Variants in ASIC2 observed in about 807,000 individuals in gnomAD.
ASIC2 encodes acid-sensing ion channel 2.
In ASIC2, 25 loss-of-function variants were observed where a neutral mutation model predicts 57.3. That is an observed-to-expected ratio of 0.44 (90% confidence interval 0.32 to 0.61). The LOEUF is 0.61. ASIC2 is among the 20% of genes least tolerant of loss of function. The pLI is 0.06. For missense variants in ASIC2, 641 were observed against 738.1 expected, an observed-to-expected ratio of 0.87 and a Z score of 1.52; for synonymous variants, 319 against 307.5, an observed-to-expected ratio of 1.04 and a Z score of -0.39.
At chr17:33,444,370 TG>T (rs369827647) in intron 1 of ASIC2, among the ~76,000 whole-genome samples, 11 of 152,234 alleles carry the variant, frequency 7.2e-5, no homozygotes, top group African/African-American at 2.6e-4. Context: ...AGGGAATGTG[TG>T]GTTGGTGCAA....
rs184279619 is a variant in ASIC2, at chr17:34,125,575, A to G, written c.555+30403T>C. Reference sequence around the variant, plus strand: ...AACGATACCCAAATGACAGTGCCAGACTGTCCCATGGGATCTCTGTGGCTA... The same window carrying G: ...AACGATACCCAAATGACAGTGCCAGGCTGTCCCATGGGATCTCTGTGGCTA... On this transcript the variant is annotated intron_variant, in intron 1 of 9. Coordinates refer to the ASIC2 transcript ENST00000359872. 2.1e-4 allele frequency among the ~76,000 whole-genome samples: 32 copies of G among 152,258 alleles called. 1 individual carries two copies. The East Asian group carries it at 6.0e-3, about 29-fold the overall frequency.
intron 1 of ASIC2, among the ~76,000 whole-genome samples, chr17:33,575,248 T>C (rs1916581886): frequency 6.6e-6 from 1 of 152,210 alleles, no homozygotes; most frequent in African/African-American, 2.4e-5. Context: ...AAGGTAGAGA[T>C]GCAAACAGCA....
At chr17:34,064,182 T>C (rs943178555) in intron 1 of ASIC2, among the ~76,000 whole-genome samples, 2 of 152,130 alleles carry the variant, frequency 1.3e-5, no homozygotes, top group African/African-American at 4.8e-5. Context: ...AATAGGCACA[T>C]AGACCAATGG....
At chr17:33,249,012 G>C (rs1029133844) in intron 1 of ASIC2, among the ~76,000 whole-genome samples, 6 of 152,204 alleles carry the variant, frequency 3.9e-5, no homozygotes, top group Admixed American at 3.3e-4. Context: ...AGTCATCCAG[G>C]TAATGCATAG....
chr17:33,550,891 G>T (rs1426189459), intron 1 of ASIC2, among the ~76,000 whole-genome samples: 1 of 152,152 alleles, frequency 6.6e-6, no homozygotes, highest in African/African-American at 2.4e-5. Context: ...TTTTAGGTAG[G>T]AAACAGCTTT....
intron 1 of ASIC2, among the ~76,000 whole-genome samples, chr17:33,392,473 C>A (rs1252335525): frequency 6.6e-6 from 1 of 152,024 alleles, no homozygotes; most frequent in Admixed American, 6.6e-5. Context: ...CCATGTTGCC[C>A]TGACTGGTCA....
chr17:33,949,694 G>A (rs1904497401), intron 1 of ASIC2, among the ~76,000 whole-genome samples: 1 of 152,112 alleles, frequency 6.6e-6, no homozygotes, highest in Admixed American at 6.5e-5. Context: ...CAAAGTTACT[G>A]GCATATATGA....
rs1904736879 is a variant in ASIC2 at position 34,156,687 on chromosome 17, C to G, written c.-155G>C. On this transcript the variant is annotated 5_prime_UTR_variant, in exon 1 of 10. Coordinates refer to the ASIC2 transcript ENST00000359872. This position sits in a 1 kb window ranked among gnomAD's most constrained non-coding sequence, Gnocchi z 4.4. ...CTGTGAGTTTATCCTGAGAGCCCAG[C>G]CGCACGCTGACAGGGGTGAGTGTTT... 4 of 737,582 alleles carry G rather than the reference C, an allele frequency of 5.4e-6. No individual in the cohort carries two copies. Among genetic ancestry groups the G allele is most frequent in the Non-Finnish European group, 6.5e-6 (3 of 463,650 alleles). 45.7% of individuals were successfully genotyped at this position (737,582 alleles called of 1,614,324 possible).
chr17:33,319,048 T>C (rs1906765642), intron 1 of ASIC2, among the ~76,000 whole-genome samples: 1 of 152,060 alleles, frequency 6.6e-6, no homozygotes, highest in Non-Finnish European at 1.5e-5. Context: ...GCAGATCCCT[T>C]GAGATCAAGA....
rs564214577 is a variant in ASIC2, at chr17:34,016,167, G to A, written c.555+139811C>T. Among the ~76,000 whole-genome samples, 10 of 152,186 alleles carry A rather than the reference G, an allele frequency of 6.6e-5. No individual in the cohort carries two copies. The East Asian group carries it at 1.9e-3, about 30-fold the overall frequency. On this transcript the variant is annotated intron_variant, in intron 1 of 9. Coordinates refer to the ASIC2 transcript ENST00000359872. ...TGGCCAGGCACAGTGGCTCATGCCT[G>A]TAATCCCAGCACTTTGGGAGGCCGA...
chr17:33,848,448 G>A (rs182444484), intron 1 of ASIC2, among the ~76,000 whole-genome samples: 3 of 152,274 alleles, frequency 2.0e-5, no homozygotes, highest in East Asian at 1.9e-4. Flanking sequence ...AATGAGGGGT[G>A]TTGTAGCCCA....
At chr17:33,062,724 T>C (rs1403410387) in intron 3 of ASIC2, among the ~76,000 whole-genome samples, 1 of 152,200 alleles carries the variant, frequency 6.6e-6, no homozygotes, top group African/African-American at 2.4e-5. Flanking sequence ...CCTTGTTAAC[T>C]TTCTGTCTCG....
chr17:33,444,961 T>TG (rs2141986366), intron 1 of ASIC2, among the ~76,000 whole-genome samples: 1 of 152,354 alleles, frequency 6.6e-6, no homozygotes, highest in Admixed American at 6.5e-5. Flanking sequence ...CTTCTATGGA[T>TG]GCTTTCCTGC....
chr17:34,137,260 T>A (rs9907895), intron 1 of ASIC2, among the ~76,000 whole-genome samples: 19,085 of 152,224 alleles, frequency 0.13, 1,367 homozygotes, highest in African/African-American at 0.19. Flanking sequence ...TAAGTGGACA[T>A]CAGGTTGAAT....
intron 1 of ASIC2, among the ~76,000 whole-genome samples, chr17:33,804,939 T>C (rs73986727): frequency 0.089 from 13,600 of 152,004 alleles, 689 homozygotes; most frequent in East Asian, 0.19. Context: ...AGGCTCTGTA[T>C]CCTGGGATCC....
chr17:34,033,432 T>C (rs1597984257), intron 1 of ASIC2, among the ~76,000 whole-genome samples: 2 of 151,838 alleles, frequency 1.3e-5, no homozygotes, highest in East Asian at 1.9e-4. Flanking sequence ...AAAATTGACA[T>C]CCTAACACCA....
At chr17:33,207,544 C>T (rs148317721) in intron 1 of ASIC2, among the ~76,000 whole-genome samples, 15 of 152,250 alleles carry the variant, frequency 9.9e-5, no homozygotes, top group African/African-American at 2.6e-4. Context: ...CAAACCAGAC[C>T]ATCTTCATCT....
chr17:34,124,926 T>C (rs1454944646), intron 1 of ASIC2, among the ~76,000 whole-genome samples: 1 of 151,980 alleles, frequency 6.6e-6, no homozygotes, highest in East Asian at 1.9e-4. Context: ...CACCAACATG[T>C]AGTCCATAAA....
chr17:33,318,740 G>A (rs1248719735), intron 1 of ASIC2, among the ~76,000 whole-genome samples: 2 of 152,140 alleles, frequency 1.3e-5, no homozygotes, highest in Non-Finnish European at 2.9e-5. Context: ...AGGCACCCTG[G>A]GGATAAATGG....
Sources: allele counts gnomAD v4.1 joint callset (sites outside exome capture counted in the v4.1 genomes callset), GRCh38; gene constraint gnomAD v4.1.1; non-coding constraint Gnocchi (gnomAD v3.1); transcripts MANE v1.5; gene names NCBI Gene and HGNC (gene_info 2026-07-23, HGNC 2026-07-21).